ADGRA3: variants seen among roughly 807,000 people sequenced by gnomAD.
ADGRA3 encodes adhesion G protein-coupled receptor A3, also known as G-protein coupled receptor 125.
Under a neutral mutation model 119.8 loss-of-function variants are expected in ADGRA3, and 56 were observed. That is an observed-to-expected ratio of 0.47 (90% CI 0.38 to 0.58). The LOEUF (loss-of-function observed/expected upper bound fraction) is 0.58. ADGRA3 is among the 20% of genes least tolerant of loss of function. ADGRA3 has a pLI of 0.00. For missense variants in ADGRA3, 1,516 were observed against 1,649.0 expected (o/e 0.92, Z 1.40); for synonymous variants, 607 against 623.8 (o/e 0.97, Z 0.40).
intron 4 of ADGRA3, among the ~76,000 whole-genome samples, chr4:22,452,138 C>A (rs949467792): frequency 6.6e-5 from 10 of 152,146 alleles, no homozygotes; most frequent in African/African-American, 2.4e-4. Context: ...TTAATTGCCA[C>A]GTTGTCTTTA....
chr4:22,436,287 G>A (rs1292794411), intron 9 of ADGRA3, among the ~76,000 whole-genome samples, 153 bp downstream of exon 9: 2 of 151,496 alleles, frequency 1.3e-5, no homozygotes, highest in Non-Finnish European at 2.9e-5. Flanking sequence ...GATTAAGATG[G>A]ACCTGATCCT....
chr4:22,416,187 C>T (rs1320255337), intron 12 of ADGRA3, among the ~76,000 whole-genome samples: 1 of 152,104 alleles, frequency 6.6e-6, no homozygotes, highest in Non-Finnish European at 1.5e-5. Context: ...ATGAATATAC[C>T]TTCTTCCACC....
Position 22,387,796 on chromosome 4 carries a change from A to G in ADGRA3, c.3875T>C (p.Ile1292Thr), listed in dbSNP as rs776404075. ...GGGTCCCTCCTGCCCATTGCTTTTA[A>G]TTGGTCCATTCTGAATGGCCAAGTT... ...GLNLAIQNGP[I>T]KSNGQEGPLL... Residue 1292 changes from isoleucine to threonine, a missense_variant, in exon 19 of 19, where the codon ATT becomes ACT. Around this residue, in one of 2 missense-constraint regions of ADGRA3, gnomAD observed 1,088 missense variants for 1,107.1 expected, o/e 0.98. Transcript: ENST00000334304. The G allele has an allele frequency of 1.8e-5, 29 of 1,614,072 alleles. No homozygotes were observed. Among genetic ancestry groups the G allele is most frequent in the Middle Eastern group, 1.7e-4 (1 of 6,060 alleles).
chr4:22,470,982 T>C (rs565216508), intron 2 of ADGRA3, among the ~76,000 whole-genome samples: 8 of 152,244 alleles, frequency 5.3e-5, no homozygotes, highest in African/African-American at 1.7e-4. Flanking sequence ...TGAGGGTTGC[T>C]GAAAGCAGGA....
chr4:22,489,082 T>C (rs1243306553), intron 1 of ADGRA3, among the ~76,000 whole-genome samples: 2 of 152,166 alleles, frequency 1.3e-5, no homozygotes, highest in Admixed American at 6.5e-5. Flanking sequence ...AGAGATTTAA[T>C]GGACTCACAG....
intron 11 of ADGRA3, among the ~76,000 whole-genome samples, chr4:22,422,092 C>A (rs920478492): frequency 6.6e-6 from 1 of 151,890 alleles, no homozygotes; most frequent in African/African-American, 2.4e-5. Flanking sequence ...ACAGAGTGGG[C>A]GTGAGAAGTG....
chr4:22,514,455 C>T (rs1245337875), intron 1 of ADGRA3: 19 of 152,136 alleles, frequency 1.2e-4, no homozygotes, highest in Non-Finnish European at 2.8e-4. Context: ...GAAATGTATA[C>T]CTGGCCTACC....
intron 1 of ADGRA3, among the ~76,000 whole-genome samples, chr4:22,484,158 A>G (rs1173027399): frequency 2.0e-5 from 3 of 152,194 alleles, no homozygotes. Flanking sequence ...TTTTAAATAT[A>G]TTTTCCATGC....
intron 1 of ADGRA3, among the ~76,000 whole-genome samples, chr4:22,506,127 G>A (rs1719228954): frequency 6.6e-6 from 1 of 152,166 alleles, no homozygotes; most frequent in African/African-American, 2.4e-5. Context: ...AAAAAAACCA[G>A]GGGTGCTGAA....
chr4:22,450,951 AATAT>A lies in ADGRA3; in HGVS notation c.474-3444_474-3441del, dbSNP rs1310599032. On this transcript the variant is annotated intron_variant, in intron 4 of 18. Coordinates refer to ENST00000334304, the MANE Select transcript of ADGRA3 (RefSeq NM_145290.4). ...GGATATAACAGAAAAAAAAAAAAAA[AATAT>A]ATATATATATATATATACACCAGAT... Among the ~76,000 whole-genome samples the A allele has an allele frequency of 2.8e-3, 344 of 122,790 alleles. 1 individual carries two copies. The highest frequency in any genetic ancestry group is 9.8e-3 in the African/African-American group (300 of 30,492). The allele number at this position is 122,790 out of a possible 152,430, so 80.6% of individuals were successfully genotyped here.
At chr4:22,494,912 T>G (rs1166743234) in intron 1 of ADGRA3, among the ~76,000 whole-genome samples, 1 of 152,004 alleles carries the variant, frequency 6.6e-6, no homozygotes, top group Non-Finnish European at 1.5e-5. Context: ...CTTAAAACCG[T>G]GGATAGTAGC....
intron 3 of ADGRA3, among the ~76,000 whole-genome samples, chr4:22,456,781 C>CT (rs1178926689): frequency 2.0e-5 from 3 of 152,290 alleles, no homozygotes; most frequent in South Asian, 2.1e-4. Context: ...AATACAGCAC[C>CT]TTAGGTAATC....
intron 14 of ADGRA3, among the ~76,000 whole-genome samples, chr4:22,405,674 G>A (rs1417711478): frequency 6.6e-6 from 1 of 152,002 alleles, no homozygotes; most frequent in African/African-American, 2.4e-5. Flanking sequence ...CTGAACAAAG[G>A]CATGAGTACC....
rs1156330883 is a variant in ADGRA3 at position 22,413,215 on chromosome 4, C to T, written c.2199G>A (p.Gln733=). Residue 733 remains glutamine (Q), a synonymous_variant, in exon 14 of 19, where the codon CAG becomes CAA. Coordinates refer to ENST00000334304, the MANE Select transcript of ADGRA3 (RefSeq NM_145290.4). ...LYSDENITTI[Q]CYSLSNYAVL... is the part of the protein sequence containing the mutation. ...CTGCATAGTTACTAAGGGAGTAGCA[C>T]TGAATCGTAGTGATATTTTCATCTG... is the stretch of plus-strand genomic sequence containing the variant. 1 of 1,613,830 alleles carries T rather than the reference C, an allele frequency of 6.2e-7. No individual in the cohort carries two copies. The highest frequency in any genetic ancestry group is 8.5e-7 in the Non-Finnish European group (1 of 1,179,898).
At chr4:22,476,918 C>T (rs1304242817) in intron 1 of ADGRA3, among the ~76,000 whole-genome samples, 15 of 152,080 alleles carry the variant, frequency 9.9e-5, no homozygotes, top group Admixed American at 6.5e-4. Flanking sequence ...CCGCCCACCT[C>T]GGCCTCCCAA....
chr4:22,451,204 T>C lies in ADGRA3; in HGVS notation c.473+3662A>G, dbSNP rs559755080. ...AAAGGGAAGTTCTTATAAATACATATATTTCTGATAGGGAAATATTAAAGG... is the reference window on the plus strand; with the variant it reads ...AAAGGGAAGTTCTTATAAATACATACATTTCTGATAGGGAAATATTAAAGG... On this transcript the variant is annotated intron_variant, in intron 4 of 18. Coordinates refer to ENST00000334304, the MANE Select transcript of ADGRA3 (RefSeq NM_145290.4). Among the ~76,000 whole-genome samples the C allele has an allele frequency of 5.9e-5, 9 of 152,124 alleles. No homozygotes were observed. The South Asian group carries it at 1.5e-3, about 25-fold the overall frequency.
intron 12 of ADGRA3, among the ~76,000 whole-genome samples, chr4:22,418,757 G>C (rs1198293986): frequency 2.0e-5 from 3 of 152,004 alleles, no homozygotes; most frequent in Non-Finnish European, 4.4e-5. Flanking sequence ...TTGACAATCA[G>C]AACAGCCTGC....
rs894032187 is a variant in ADGRA3 at position 22,459,379 on chromosome 4, T to C, written c.401+2358A>G. Among the ~76,000 whole-genome samples, 10 of 151,976 alleles carry C rather than the reference T, an allele frequency of 6.6e-5. No individual in the cohort carries two copies. In the East Asian group the frequency reaches 1.7e-3, roughly 27 times the overall value. ...AACAACTAATGAGTACTAGGCTTAA[T>C]ACCTGGGTGATGAAATAATCTGTGT... On this transcript the variant is annotated intron_variant, in intron 3 of 18. Transcript: ENST00000334304.
At chr4:22,423,731 A>G (rs141087523) in intron 11 of ADGRA3, among the ~76,000 whole-genome samples, 87 of 152,334 alleles carry the variant, frequency 5.7e-4, no homozygotes, top group African/African-American at 1.9e-3. Context: ...TGGGCAAACA[A>G]TCAGATATTC....
Sources: gnomAD v4.1 joint callset for allele counts (sites outside exome capture counted in the v4.1 genomes callset) on GRCh38, gnomAD v4.1.1 for gene constraint, gnomAD v4.1.1 regional missense constraint, MANE v1.5 for transcripts, NCBI Gene and HGNC (gene_info 2026-07-23, HGNC 2026-07-21) for gene names.